The following BBS2 variants were observed in gnomAD, a reference collection of about 807,000 sequenced individuals.
BBS2 encodes the protein BBSome complex member BBS2.
In BBS2, 62 loss-of-function variants were observed where a neutral mutation model predicts 83.0. The observed-to-expected ratio is 0.75, with a 90% CI of 0.61 to 0.92. The LOEUF is 0.92. Ranked by LOEUF, BBS2 falls within the 40% of genes least tolerant of loss-of-function variation. The pLI is 0.00. For synonymous variants in BBS2, 303 were observed against 326.1 expected (o/e 0.93, Z 0.76); for missense variants, 784 against 901.0 (o/e 0.87, Z 1.66).
intron 1 of BBS2, among the ~76,000 whole-genome samples, chr16:56,517,441 G>A (rs925765388): frequency 4.6e-5 from 7 of 152,170 alleles, no homozygotes; most frequent in South Asian, 2.1e-4. Context: ...CCTGCAAGGC[G>A]CTTATCCCAC....
chr16:56,472,104 G>A (rs1376866555), intron 17 of BBS2, among the ~76,000 whole-genome samples: 4 of 152,060 alleles, frequency 2.6e-5, no homozygotes, highest in African/African-American at 9.7e-5. Context: ...TGGGATCACA[G>A]GCATATGCCA....
At position 56,500,988 on chromosome 16, in the gene BBS2, T is replaced by C; in HGVS notation, c.1263A>G (p.Gly421=). ...IIRAVLIFAE[G]IFTGESHVVH... is the part of the protein sequence containing the mutation. ...CCACGTGGCTTTCACCTGTAAAAAT[T>C]CCTTCTGCAAAAATCAATACTGCTC... Residue 421 remains glycine, a synonymous_variant, in exon 11 of 17, where the codon GGA becomes GGG. Coordinates refer to ENST00000245157, the MANE Select transcript of BBS2 (RefSeq NM_031885.5). The C allele has an allele frequency of 6.2e-7, 1 of 1,614,104 alleles. No homozygotes were observed. The highest frequency in any genetic ancestry group is 2.2e-5 in the East Asian group (1 of 44,868).
intron 16 of BBS2, 89 bp downstream of exon 16, chr16:56,485,501 A>G (rs1963750214): frequency 5.9e-6 from 9 of 1,527,338 alleles, no homozygotes; most frequent in South Asian, 2.3e-5. Flanking sequence ...TTCAGCCCCA[A>G]TATGAATTAT....
chr16:56,500,015 G>T (rs1238195369), intron 11 of BBS2, 108 bp from the exon 12 acceptor site: 1 of 1,388,196 alleles, frequency 7.2e-7, no homozygotes, highest in Non-Finnish European at 1.0e-6. Context: ...TGATATTTAA[G>T]GGTTTCACTT....
At chr16:56,475,511 G>T in intron 17 of BBS2, 1 of 1,613,954 alleles carries the variant, frequency 6.2e-7, no homozygotes, top group Non-Finnish European at 8.5e-7. Context: ...TGTAAGGCTG[G>T]GAGCCAGAAT....
chr16:56,476,396 C>T, intron 17 of BBS2: 1 of 376,810 alleles, frequency 2.7e-6, no homozygotes, highest in Non-Finnish European at 4.6e-6. Context: ...AAGTACTTAT[C>T]TCTTGATTAA....
At chr16:56,510,731 G>A in intron 4 of BBS2, 128 bp downstream of exon 4, 3 of 911,252 alleles carry the variant, frequency 3.3e-6, no homozygotes, top group South Asian at 1.3e-5. Flanking sequence ...CCAACTGGCT[G>A]AGCATTTAGG....
intron 7 of BBS2, among the ~76,000 whole-genome samples, chr16:56,505,299 T>C (rs1431378507): frequency 6.6e-6 from 1 of 152,090 alleles, no homozygotes; most frequent in Non-Finnish European, 1.5e-5. Flanking sequence ...GCTTACAAGG[T>C]GCTAGAGAAA....
At chr16:56,470,709 T>C (rs1963127996) in intron 17 of BBS2, 1 of 1,614,096 alleles carries the variant, frequency 6.2e-7, no homozygotes, top group African/African-American at 1.3e-5. Flanking sequence ...AGCCAGAGAA[T>C]AATCAGATGG....
At chr16:56,495,453 G>T (rs62035989) in intron 15 of BBS2, among the ~76,000 whole-genome samples, 19,170 of 152,114 alleles carry the variant, frequency 0.13, 1,651 homozygotes, top group Middle Eastern at 0.25. Context: ...GGGGACAGAA[G>T]AATAATACTA....
At chr16:56,507,976 T>C (rs1381327539) in intron 5 of BBS2, among the ~76,000 whole-genome samples, 2 of 151,878 alleles carry the variant, frequency 1.3e-5, no homozygotes, top group Non-Finnish European at 2.9e-5. Context: ...CTCAAAAAAA[T>C]AATAAAATAA....
At chr16:56,494,388 C>G (rs1279845049) in intron 15 of BBS2, among the ~76,000 whole-genome samples, 1 of 151,844 alleles carries the variant, frequency 6.6e-6, no homozygotes, top group Admixed American at 6.6e-5. Context: ...AAAAAAAATT[C>G]CTAGCTCTAC....
chr16:56,497,323 A>T (rs1221010160), intron 14 of BBS2: 1 of 559,468 alleles, frequency 1.8e-6, no homozygotes, highest in African/African-American at 1.9e-5. Flanking sequence ...AGCCCCCACA[A>T]CACACATATT....
At chr16:56,507,204 CAA>C (rs1418049093) in intron 5 of BBS2, among the ~76,000 whole-genome samples, 1 of 152,154 alleles carries the variant, frequency 6.6e-6, no homozygotes, top group African/African-American at 2.4e-5. Context: ...CAAAACCTAA[CAA>C]AGAGAACAGG....
rs1443962197 is a variant in BBS2 at position 56,500,095 on chromosome 16, C to T, written c.1398-188G>A. The T allele has an allele frequency of 6.6e-6, 4 of 610,386 alleles. No homozygotes were observed. The Admixed American group carries it at 7.8e-5, about 12-fold the overall frequency. The allele number at this position is 610,386 out of a possible 1,614,324, so 37.8% of individuals were successfully genotyped here. A position where few individuals can be genotyped will look rare whatever the true frequency, so the allele number is the denominator to read the frequency against. ...ATATATTAGGTTTGGGATTTAAAGA[C>T]AGCATGAGTCTACATATATACCTGC... is the stretch of plus-strand genomic sequence containing the variant. On this transcript the variant is annotated intron_variant, in intron 11 of 16. Coordinates refer to ENST00000245157, the MANE Select transcript of BBS2 (RefSeq NM_031885.5).
chr16:56,506,779 G>A (rs1964433606), intron 5 of BBS2, among the ~76,000 whole-genome samples: 1 of 152,144 alleles, frequency 6.6e-6, no homozygotes, highest in African/African-American at 2.4e-5. Context: ...GTGGATTTGT[G>A]TAGTATATAA....
intron 7 of BBS2, among the ~76,000 whole-genome samples, chr16:56,503,171 T>A (rs1396058162): frequency 6.6e-6 from 1 of 152,226 alleles, no homozygotes; most frequent in East Asian, 1.9e-4. Context: ...CTCTGCCACG[T>A]ACTATCCACA....
At chr16:56,499,967 C>A in intron 11 of BBS2, 60 bp from the exon 12 acceptor site, 2 of 1,604,448 alleles carry the variant, frequency 1.2e-6, no homozygotes, top group Non-Finnish European at 8.5e-7. Context: ...TTTCAAAATG[C>A]AAGGCCCAGA....
Position 56,519,730 on chromosome 16 carries a change from G to T in BBS2, c.117+16C>A. The T allele has an allele frequency of 6.3e-7, 1 of 1,591,986 alleles. No homozygotes were observed. The highest frequency in any genetic ancestry group is 8.6e-7 in the Non-Finnish European group (1 of 1,161,434). On this transcript the variant is annotated intron_variant, in intron 1 of 16. Coordinates refer to ENST00000245157, the MANE Select transcript of BBS2 (RefSeq NM_031885.5). ...GTTCCCTGGGGCCCGGGCTCCCTGCGGGTGGGAGCGGTTACCTTGCCCGTT... is the reference window on the plus strand; with the variant it reads ...GTTCCCTGGGGCCCGGGCTCCCTGCTGGTGGGAGCGGTTACCTTGCCCGTT...
Sources: gnomAD v4.1 joint callset for allele counts (sites outside exome capture counted in the v4.1 genomes callset) on GRCh38, gnomAD v4.1.1 for gene constraint, MANE v1.5 for transcripts, NCBI Gene and HGNC (gene_info 2026-07-23, HGNC 2026-07-21) for gene names.